KCNH5: variants seen among roughly 807,000 people sequenced by gnomAD.
KCNH5 encodes the protein potassium voltage-gated channel subfamily H member 5.
KCNH5 carries 46 observed loss-of-function variants against 96.1 expected under a neutral mutation model. The ratio of observed to expected loss-of-function variants is 0.48; its 90% CI spans 0.38 to 0.61. The LOEUF (loss-of-function observed/expected upper bound fraction) is 0.61. KCNH5 is among the 20% of genes least tolerant of loss of function. The pLI is 0.00. For synonymous variants in KCNH5, 439 were observed against 449.8 expected, an observed-to-expected ratio of 0.98 and a Z score of 0.30; for missense variants, 907 against 1,225.8, an observed-to-expected ratio of 0.74 and a Z score of 3.88.
chr14:62,711,731 G>A (rs879458148), intron 10 of KCNH5, among the ~76,000 whole-genome samples: 2 of 152,122 alleles, frequency 1.3e-5, no homozygotes, highest in Non-Finnish European at 2.9e-5. Flanking sequence ...AGGGGTACTG[G>A]CTAGGATCCC....
intron 10 of KCNH5, among the ~76,000 whole-genome samples, chr14:62,741,548 C>G (rs1373693351): frequency 6.6e-6 from 1 of 152,066 alleles, no homozygotes; most frequent in African/African-American, 2.4e-5. Flanking sequence ...GGTCCCCTCC[C>G]CCAACCCAAT....
intron 6 of KCNH5, among the ~76,000 whole-genome samples, chr14:62,956,242 G>A (rs984615213): frequency 2.0e-5 from 3 of 152,056 alleles, no homozygotes; most frequent in South Asian, 2.1e-4. Context: ...TGAGCAAAAG[G>A]AGCTAGATAC....
rs184886527 is a variant in KCNH5 at position 62,741,531 on chromosome 14, G to T, written c.2020-33076C>A. Among the ~76,000 whole-genome samples, 262 of 152,246 alleles carry T rather than the reference G, an allele frequency of 1.7e-3. 2 individuals carry two copies. Among genetic ancestry groups the T allele is most frequent in the African/African-American group, 6.2e-3 (257 of 41,564 alleles). On this transcript the variant is annotated intron_variant, in intron 10 of 10. Coordinates refer to ENST00000322893, the MANE Select transcript of KCNH5 (RefSeq NM_139318.5). The stretch of plus-strand genomic sequence containing the variant: ...TCTTTACTGGGATCTTGCAGTGGCT[G>T]ACGTTTGGTCCCCTCCCCCAACCCA...
intron 10 of KCNH5, among the ~76,000 whole-genome samples, chr14:62,756,803 A>C (rs1416544362): frequency 6.6e-6 from 1 of 152,186 alleles, no homozygotes; most frequent in Non-Finnish European, 1.5e-5. Context: ...ATTAAAACAA[A>C]ATGGATTAAA....
chr14:62,799,008 A>G (rs558356734), intron 9 of KCNH5, among the ~76,000 whole-genome samples: 6 of 152,140 alleles, frequency 3.9e-5, no homozygotes, highest in Non-Finnish European at 7.3e-5. Flanking sequence ...GTGTCCTCAG[A>G]TGTGAGGGAT....
chr14:62,817,892 A>T (rs1887025735), intron 8 of KCNH5, among the ~76,000 whole-genome samples: 1 of 124,780 alleles, frequency 8.0e-6, no homozygotes, highest in African/African-American at 2.7e-5. Context: ...ATAAATATAA[A>T]TATAAATATA....
chr14:62,911,499 G>A (rs1326215168), intron 7 of KCNH5, among the ~76,000 whole-genome samples: 2 of 151,934 alleles, frequency 1.3e-5, no homozygotes, highest in Non-Finnish European at 2.9e-5. Context: ...ATACAGAAGA[G>A]TAAATGATCA....
intron 8 of KCNH5, among the ~76,000 whole-genome samples, chr14:62,836,306 C>G (rs1465893271): frequency 6.6e-6 from 1 of 152,002 alleles, no homozygotes; most frequent in South Asian, 2.1e-4. Flanking sequence ...TTAGAAAAGC[C>G]TAGTATTAAT....
At chr14:62,792,240 T>C (rs1886450696) in intron 9 of KCNH5, among the ~76,000 whole-genome samples, 1 of 151,546 alleles carries the variant, frequency 6.6e-6, no homozygotes, top group South Asian at 2.1e-4. Context: ...TTAAAAATTA[T>C]CATAAATACT....
In KCNH5 at chr14:63,027,181, C is replaced by T. The variant is rs116069803; in HGVS notation, c.74-10227G>A. ...AGAAACAGAGAAAAATGGTGGCTAC[C>T]AAAGGCTGAAGGGTGGGGACATTGG... On this transcript the variant is annotated intron_variant, in intron 1 of 10. Transcript: ENST00000322893. Among the ~76,000 whole-genome samples, 1,060 of 151,910 alleles carry T rather than the reference C, an allele frequency of 7.0e-3. 13 individuals carry two copies. The highest frequency in any genetic ancestry group is 0.025 in the African/African-American group (1,021 of 41,462).
intron 7 of KCNH5, among the ~76,000 whole-genome samples, chr14:62,926,290 C>G (rs765931622): frequency 2.6e-5 from 4 of 152,094 alleles, no homozygotes; most frequent in Non-Finnish European, 5.9e-5. Context: ...GTCATCAGCT[C>G]AAACCACTAT....
chr14:62,853,182 C>T (rs530906458), intron 7 of KCNH5, among the ~76,000 whole-genome samples: 3 of 152,082 alleles, frequency 2.0e-5, no homozygotes, highest in Admixed American at 6.5e-5. Context: ...TTACCTTCAA[C>T]GTATAGCTTC....
chr14:62,860,236 C>T (rs1888006235), intron 7 of KCNH5, among the ~76,000 whole-genome samples: 1 of 152,144 alleles, frequency 6.6e-6, no homozygotes, highest in Non-Finnish European at 1.5e-5. Context: ...CTCCAAAATC[C>T]TAGAGGCCTC....
chr14:62,757,805 G>T (rs1165398082), intron 10 of KCNH5, among the ~76,000 whole-genome samples: 1 of 152,038 alleles, frequency 6.6e-6, no homozygotes, highest in African/African-American at 2.4e-5. Context: ...GGCTGGAATG[G>T]GTAGTGGGTG....
chr14:63,000,131 A>G (rs968631447), intron 4 of KCNH5, among the ~76,000 whole-genome samples: 2 of 152,194 alleles, frequency 1.3e-5, no homozygotes, highest in Non-Finnish European at 2.9e-5. Flanking sequence ...ATACAATATT[A>G]TATATGTGAG....
intron 6 of KCNH5, among the ~76,000 whole-genome samples, chr14:62,957,915 G>A (rs1890135625): frequency 6.6e-6 from 1 of 152,200 alleles, no homozygotes; most frequent in South Asian, 2.1e-4. Context: ...GCAGACTCAT[G>A]AGTTGAATAA....
At chr14:62,889,374 G>C in intron 7 of KCNH5, among the ~76,000 whole-genome samples, 1 of 152,164 alleles carries the variant, frequency 6.6e-6, no homozygotes, top group East Asian at 1.9e-4. Flanking sequence ...TCACATGGGG[G>C]CCAAGCCAGG....
chr14:62,861,677 G>C (rs903194727), intron 7 of KCNH5, among the ~76,000 whole-genome samples: 1 of 112,706 alleles, frequency 8.9e-6, no homozygotes. Context: ...CACACACACG[G>C]TATAATTATG....
intron 3 of KCNH5, 31 bp from the exon 4 acceptor site, chr14:63,001,490 T>G (rs769644334): frequency 6.3e-7 from 1 of 1,591,556 alleles, no homozygotes. Context: ...GGAAAGGACA[T>G]TAGAGTGTGG....
Sources: gnomAD v4.1 joint callset for allele counts (sites outside exome capture counted in the v4.1 genomes callset) on GRCh38, gnomAD v4.1.1 for gene constraint, MANE v1.5 for transcripts, NCBI Gene and HGNC (gene_info 2026-07-23, HGNC 2026-07-21) for gene names.